The following QKI variants were observed in gnomAD, a reference collection of about 807,000 sequenced individuals.
QKI encodes the protein QKI, KH domain containing RNA binding.
Under a neutral mutation model 39.0 loss-of-function variants are expected in QKI, and 10 were observed. The observed-to-expected ratio is 0.26, with a 90% confidence interval of 0.16 to 0.43. QKI has a LOEUF of 0.43. Ranked by LOEUF, QKI falls within the 20% of genes least tolerant of loss-of-function variation. QKI has a pLI of 1.00. For missense variants in QKI, 218 were observed against 428.0 expected (o/e 0.51, Z 4.33); for synonymous variants, 204 against 155.4 (o/e 1.31, Z -2.33).
intron 4 of QKI, among the ~76,000 whole-genome samples, chr6:163,537,385 A>T (rs1047728138): frequency 1.3e-5 from 2 of 152,224 alleles, no homozygotes; most frequent in Admixed American, 1.3e-4. Flanking sequence ...AAATGTACAG[A>T]AATAGTTCCT....
intron 3 of QKI, among the ~76,000 whole-genome samples, chr6:163,506,692 T>C (rs1289328554): frequency 1.3e-5 from 2 of 152,224 alleles, no homozygotes; most frequent in East Asian, 1.9e-4. Context: ...GTAACTCTTA[T>C]CTTAACCACT....
intron 3 of QKI, among the ~76,000 whole-genome samples, chr6:163,511,181 G>A (rs536091841): frequency 3.9e-5 from 6 of 152,200 alleles, no homozygotes; most frequent in Admixed American, 2.0e-4. Flanking sequence ...AAATATTTTG[G>A]ACCGAGTGAT....
At chr6:163,429,868 A>G (rs1440875175) in intron 1 of QKI, among the ~76,000 whole-genome samples, 1 of 152,200 alleles carries the variant, frequency 6.6e-6, no homozygotes, top group Non-Finnish European at 1.5e-5. Context: ...TAAAGCTTCA[A>G]ATTCATTCCT....
At chr6:163,566,545 A>G in intron 6 of QKI, 176 bp from the exon 7 acceptor site, 1 of 1,454,170 alleles carries the variant, frequency 6.9e-7, no homozygotes. Context: ...ATATTAATAG[A>G]TGCATATATA....
intron 2 of QKI, 64 bp downstream of exon 2, chr6:163,455,485 T>G: frequency 6.9e-7 from 1 of 1,451,024 alleles, no homozygotes; most frequent in Non-Finnish European, 9.4e-7. Flanking sequence ...AAGAGATATA[T>G]TTGGTGGTAA....
chr6:163,535,980 A>G (rs1238418787), intron 4 of QKI, among the ~76,000 whole-genome samples: 4 of 152,150 alleles, frequency 2.6e-5, no homozygotes, highest in Admixed American at 6.6e-5. Flanking sequence ...GTGTCCAACA[A>G]AAAGCATTGG....
At chr6:163,423,952 A>G (rs1322137725) in intron 1 of QKI, among the ~76,000 whole-genome samples, 2 of 152,240 alleles carry the variant, frequency 1.3e-5, no homozygotes, top group East Asian at 3.8e-4. Context: ...GCCCAATGAT[A>G]TATCAGGTAG....
At chr6:163,522,425 G>A (rs1780220371) in intron 3 of QKI, among the ~76,000 whole-genome samples, 1 of 152,148 alleles carries the variant, frequency 6.6e-6, no homozygotes, top group Non-Finnish European at 1.5e-5. Flanking sequence ...AATAAGACTG[G>A]CATTTGAGTC....
intron 2 of QKI, among the ~76,000 whole-genome samples, chr6:163,466,412 G>A (rs763036440): frequency 2.7e-5 from 4 of 150,062 alleles, no homozygotes; most frequent in East Asian, 4.0e-4. Context: ...TAAAATTCAC[G>A]TGGAACCACA....
At chr6:163,489,051 A>G (rs983302389) in intron 3 of QKI, among the ~76,000 whole-genome samples, 2 of 143,680 alleles carry the variant, frequency 1.4e-5, no homozygotes, top group African/African-American at 5.1e-5. Flanking sequence ...CTCACTCTTC[A>G]TAGATTATTA....
intron 1 of QKI, among the ~76,000 whole-genome samples, chr6:163,447,757 G>T (rs1451606428): frequency 1.3e-5 from 2 of 152,106 alleles, no homozygotes; most frequent in African/African-American, 4.8e-5. Context: ...TTTATTTTTA[G>T]AGTTGGGAGG....
chr6:163,416,097 C>G (rs1417664753), intron 1 of QKI, among the ~76,000 whole-genome samples: 3 of 147,720 alleles, frequency 2.0e-5, no homozygotes, highest in African/African-American at 7.6e-5. Context: ...GATGACAGAT[C>G]GGAGCGCAGC....
At chr6:163,564,156 A>C in intron 6 of QKI, 1 of 1,022,598 alleles carries the variant, frequency 9.8e-7, no homozygotes, top group Non-Finnish European at 1.2e-6. Context: ...GCGCTTTATA[A>C]AATTCATATT....
intron 2 of QKI, among the ~76,000 whole-genome samples, chr6:163,459,974 A>C: frequency 6.6e-6 from 1 of 152,318 alleles, no homozygotes; most frequent in African/African-American, 2.4e-5. Context: ...TATTTAAGTA[A>C]AAAGTGTTAT....
intron 4 of QKI, among the ~76,000 whole-genome samples, chr6:163,545,594 C>G (rs185414514): frequency 6.6e-6 from 1 of 152,116 alleles, no homozygotes; most frequent in African/African-American, 2.4e-5. Flanking sequence ...GATCAGGCTC[C>G]TTGGTGATAA....
intron 6 of QKI, chr6:163,565,321 A>G: frequency 1.0e-6 from 1 of 986,440 alleles, no homozygotes; most frequent in Non-Finnish European, 1.2e-6. Context: ...CCGAGGAGTT[A>G]TGACTCTTGA....
chr6:163,554,844 G>A (rs1782485161), intron 4 of QKI, among the ~76,000 whole-genome samples: 2 of 152,178 alleles, frequency 1.3e-5, no homozygotes, highest in Non-Finnish European at 2.9e-5. Context: ...CAATGTTAAA[G>A]CTCATGACCT....
chr6:163,431,858 T>G (rs188331071), intron 1 of QKI, among the ~76,000 whole-genome samples: 93 of 150,766 alleles, frequency 6.2e-4, no homozygotes, highest in Middle Eastern at 3.5e-3. Context: ...CCTGTAATTC[T>G]GCAATTTTAA....
chr6:163,462,391 A>G (rs549841242), intron 2 of QKI, among the ~76,000 whole-genome samples: 14 of 152,336 alleles, frequency 9.2e-5, no homozygotes, highest in Admixed American at 2.6e-4. Flanking sequence ...AGTGTCATCA[A>G]TAAGCAGCCT....
Sources: allele counts gnomAD v4.1 joint callset (sites outside exome capture counted in the v4.1 genomes callset), GRCh38; gene constraint gnomAD v4.1.1; transcripts MANE v1.5; gene names NCBI Gene and HGNC (gene_info 2026-07-23, HGNC 2026-07-21).